IGSF21: variants seen among roughly 807,000 people sequenced by gnomAD.
The protein encoded by IGSF21 is immunoglobulin superfamily member 21.
In IGSF21, 28 loss-of-function variants were observed where a neutral mutation model predicts 46.8. The observed-to-expected ratio is 0.60, with a 90% CI of 0.44 to 0.82. IGSF21 has a LOEUF of 0.82. Ranked by LOEUF, IGSF21 falls within the 40% of genes least tolerant of loss-of-function variation. The pLI is 0.00. For missense variants in IGSF21, 624 were observed against 665.5 expected, an observed-to-expected ratio of 0.94 and a Z score of 0.69; for synonymous variants, 284 against 273.6, an observed-to-expected ratio of 1.04 and a Z score of -0.38.
chr1:18,149,758 C>T (rs2086504914), intron 1 of IGSF21, among the ~76,000 whole-genome samples: 1 of 151,996 alleles, frequency 6.6e-6, no homozygotes, highest in South Asian at 2.1e-4. Context: ...AATTTTTCGG[C>T]TTTGTGACCT....
At chr1:18,148,166 T>G (rs1338497054) in intron 1 of IGSF21, among the ~76,000 whole-genome samples, 1 of 144,856 alleles carries the variant, frequency 6.9e-6, no homozygotes, top group Non-Finnish European at 1.5e-5. Flanking sequence ...AGTCTTGCTC[T>G]GTCGCCCAGG....
At chr1:18,317,650 C>T (rs1179679751) in intron 3 of IGSF21, among the ~76,000 whole-genome samples, 1 of 152,206 alleles carries the variant, frequency 6.6e-6, no homozygotes. Flanking sequence ...TTCTTTTCCC[C>T]CACTCAGTCT....
chr1:18,270,779 CAA>C (rs968134132), intron 2 of IGSF21, among the ~76,000 whole-genome samples: 1 of 144,132 alleles, frequency 6.9e-6, no homozygotes, highest in Non-Finnish European at 1.5e-5. Flanking sequence ...ATCAGAGATT[CAA>C]AAAAAAAAAG....
Position 18,308,195 on chromosome 1 carries a change from A to T in IGSF21, c.305+16208A>T, listed in dbSNP as rs553687602. Among the ~76,000 whole-genome samples the T allele has an allele frequency of 7.0e-4, 107 of 152,216 alleles. 1 individual carries two copies. The South Asian group carries it at 0.015, about 21-fold the overall frequency. ...GGTTCCCACAGAGCTCAGCACAAAGAGGTGAGGAGGGAACAGAAGAATTAA... is the reference window on the plus strand; with the variant it reads ...GGTTCCCACAGAGCTCAGCACAAAGTGGTGAGGAGGGAACAGAAGAATTAA... On this transcript the variant is annotated intron_variant, in intron 3 of 9. Coordinates refer to ENST00000251296, the MANE Select transcript of IGSF21 (RefSeq NM_032880.5).
At chr1:18,200,954 A>G (rs1200409807) in intron 1 of IGSF21, among the ~76,000 whole-genome samples, 2 of 152,186 alleles carry the variant, frequency 1.3e-5, no homozygotes, top group Non-Finnish European at 2.9e-5. Flanking sequence ...TGTGCTAGGG[A>G]TGGATGTAAA....
intron 2 of IGSF21, among the ~76,000 whole-genome samples, chr1:18,283,453 C>T (rs1054446321): frequency 2.6e-5 from 4 of 152,196 alleles, no homozygotes; most frequent in Non-Finnish European, 4.4e-5. Flanking sequence ...TCTGAGGCTG[C>T]TTCTCTGGCC....
intron 3 of IGSF21, among the ~76,000 whole-genome samples, chr1:18,331,568 C>A (rs1446086334): frequency 6.6e-6 from 1 of 152,224 alleles, no homozygotes; most frequent in Non-Finnish European, 1.5e-5. Context: ...CTGCTATAAA[C>A]ATGCGTGTGC....
chr1:18,195,560 C>T (rs748687271), intron 1 of IGSF21, among the ~76,000 whole-genome samples: 3 of 151,414 alleles, frequency 2.0e-5, no homozygotes, highest in East Asian at 3.9e-4. Flanking sequence ...GAATGTGTTC[C>T]CTTGCTCTGA....
intron 1 of IGSF21, among the ~76,000 whole-genome samples, chr1:18,195,297 A>G (rs1008956972): frequency 6.6e-6 from 1 of 152,176 alleles, no homozygotes; most frequent in Non-Finnish European, 1.5e-5. Flanking sequence ...TCTCCAGGGG[A>G]TGGAATGTCA....
At chr1:18,221,566 C>T (rs2084510881) in intron 1 of IGSF21, among the ~76,000 whole-genome samples, 1 of 152,104 alleles carries the variant, frequency 6.6e-6, no homozygotes, top group African/African-American at 2.4e-5. Context: ...AGAAGGGTGC[C>T]AGGTTCCTAA....
At chr1:18,238,684 T>C (rs570668466) in intron 2 of IGSF21, among the ~76,000 whole-genome samples, 2 of 152,052 alleles carry the variant, frequency 1.3e-5, no homozygotes, top group Non-Finnish European at 2.9e-5. Flanking sequence ...TTAGACCACA[T>C]GCAGAGTCCA....
At chr1:18,144,147 C>T (rs191058614) in intron 1 of IGSF21, among the ~76,000 whole-genome samples, 3 of 152,306 alleles carry the variant, frequency 2.0e-5, no homozygotes, top group South Asian at 2.1e-4. Context: ...ACGTGGTCCT[C>T]TCGGGGAGGA....
chr1:18,203,945 G>C lies in IGSF21; in HGVS notation c.71-23953G>C, dbSNP rs1241474748. Among the ~76,000 whole-genome samples, 7 of 152,296 alleles carry C rather than the reference G, an allele frequency of 4.6e-5. No homozygotes were observed. In the East Asian group the frequency reaches 1.4e-3, roughly 29 times the overall value. ...TAGCTGGTGGGTCCTACAGAAACAGGCTGGCCAAGATTTGATCTGGGGCCA... is the reference window on the plus strand; with the variant it reads ...TAGCTGGTGGGTCCTACAGAAACAGCCTGGCCAAGATTTGATCTGGGGCCA... On this transcript the variant is annotated intron_variant, in intron 1 of 9. Coordinates refer to ENST00000251296, the MANE Select transcript of IGSF21 (RefSeq NM_032880.5).
intron 1 of IGSF21, among the ~76,000 whole-genome samples, chr1:18,136,050 T>G (rs1374297509): frequency 6.6e-6 from 1 of 152,272 alleles, no homozygotes; most frequent in Non-Finnish European, 1.5e-5. Context: ...TTTGGCTGCA[T>G]AAATGTCTTC....
intron 1 of IGSF21, among the ~76,000 whole-genome samples, chr1:18,140,947 T>C (rs1355466909): frequency 6.6e-6 from 1 of 152,146 alleles, no homozygotes; most frequent in Non-Finnish European, 1.5e-5. Flanking sequence ...AGCCCTCTGC[T>C]CCCTGTGGCC....
chr1:18,216,649 G>A (rs1392252337), intron 1 of IGSF21, among the ~76,000 whole-genome samples: 1 of 152,070 alleles, frequency 6.6e-6, no homozygotes, highest in African/African-American at 2.4e-5. Flanking sequence ...CCGTCTTAGA[G>A]ACTGATGACC....
chr1:18,144,791 G>A (rs749920065), intron 1 of IGSF21, among the ~76,000 whole-genome samples: 10 of 152,274 alleles, frequency 6.6e-5, no homozygotes, highest in Non-Finnish European at 1.5e-4. Context: ...AGGACAGAGT[G>A]AGATTCCTGC....
chr1:18,157,493 C>T (rs1013004937), intron 1 of IGSF21, among the ~76,000 whole-genome samples: 6 of 152,212 alleles, frequency 3.9e-5, no homozygotes, highest in African/African-American at 4.8e-5. Context: ...CCTGCCTCCA[C>T]GCTGCAGCCC....
intron 3 of IGSF21, among the ~76,000 whole-genome samples, chr1:18,317,766 A>G (rs1329515407): frequency 6.6e-6 from 1 of 152,258 alleles, no homozygotes. Flanking sequence ...TGGCATGATG[A>G]CAAAGCAAAC....
Sources: gnomAD v4.1 joint callset for allele counts (sites outside exome capture counted in the v4.1 genomes callset) on GRCh38, gnomAD v4.1.1 for gene constraint, MANE v1.5 for transcripts, NCBI Gene and HGNC (gene_info 2026-07-23, HGNC 2026-07-21) for gene names.